NOL4: variants seen among roughly 807,000 people sequenced by gnomAD.
NOL4 encodes nucleolar protein 4.
A neutral mutation model predicts 75.9 loss-of-function variants in NOL4; 17 were observed. That is an observed-to-expected ratio of 0.22 (90% CI 0.15 to 0.34). The LOEUF (loss-of-function observed/expected upper bound fraction) is 0.34. NOL4 is among the 10% of genes least tolerant of loss of function. The pLI is 1.00. For synonymous variants in NOL4, 292 were observed against 289.9 expected (o/e 1.01, Z -0.07); for missense variants, 614 against 793.5 (o/e 0.77, Z 2.72).
At chr18:34,140,855 G>A (rs571843360) in intron 1 of NOL4, among the ~76,000 whole-genome samples, 3 of 152,106 alleles carry the variant, frequency 2.0e-5, no homozygotes, top group African/African-American at 7.2e-5. Context: ...TCCTTCAGGA[G>A]CTCTTGTAGG....
intron 6 of NOL4, among the ~76,000 whole-genome samples, chr18:33,969,561 C>A (rs1039004662): frequency 6.6e-6 from 1 of 151,938 alleles, no homozygotes; most frequent in East Asian, 1.9e-4. Context: ...CACAAGATAT[C>A]TTTTTATTAT....
chr18:34,079,499 C>T (rs571994274), intron 5 of NOL4, among the ~76,000 whole-genome samples: 207 of 152,038 alleles, frequency 1.4e-3, no homozygotes, highest in African/African-American at 4.7e-3. Flanking sequence ...CCTTCAGGTG[C>T]CATGTTGGAC....
Position 33,970,725 on chromosome 18 carries a change from T to TTGTGTGTG in NOL4, c.1057-12315_1057-12308dup, listed in dbSNP as rs34125584. On this transcript the variant is annotated intron_variant, in intron 6 of 10. Transcript: ENST00000261592. ...TGGAAAACTTACTTCTTCAAGCTAT[T>TTGTGTGTG]TGTGTGTGTGTGTGTGTGTGTGTGT... is the stretch of plus-strand genomic sequence containing the variant. 4.1e-3 allele frequency among the ~76,000 whole-genome samples: 602 copies of TTGTGTGTG among 147,014 alleles called. 7 individuals carry two copies. The highest frequency in any genetic ancestry group is 0.014 in the African/African-American group (559 of 40,288).
intron 6 of NOL4, among the ~76,000 whole-genome samples, chr18:33,987,252 GA>G (rs1013190435): frequency 2.0e-5 from 3 of 152,076 alleles, no homozygotes; most frequent in African/African-American, 4.8e-5. Flanking sequence ...GATAGGGGCT[GA>G]AATGACCGTG....
chr18:33,889,258 T>C (rs1199497295), intron 9 of NOL4, among the ~76,000 whole-genome samples: 2 of 152,028 alleles, frequency 1.3e-5, no homozygotes, highest in Non-Finnish European at 2.9e-5. Context: ...GCAAATAAAC[T>C]TGAAAATCTA....
intron 5 of NOL4, among the ~76,000 whole-genome samples, chr18:34,045,465 C>G (rs1207841003): frequency 6.6e-6 from 1 of 152,058 alleles, no homozygotes; most frequent in Non-Finnish European, 1.5e-5. Flanking sequence ...TCACAAATGC[C>G]CATTGACCCC....
intron 6 of NOL4, among the ~76,000 whole-genome samples, chr18:33,982,529 T>C (rs1317038372): frequency 6.6e-6 from 1 of 152,174 alleles, no homozygotes; most frequent in African/African-American, 2.4e-5. Context: ...GTATTGTGTA[T>C]GCTCCTAACA....
At chr18:33,861,690 T>C (rs2063142870) in intron 10 of NOL4, among the ~76,000 whole-genome samples, 1 of 152,064 alleles carries the variant, frequency 6.6e-6, no homozygotes, top group African/African-American at 2.4e-5. Context: ...GAGAATAAAA[T>C]ACCTAGAAAT....
Position 33,988,409 on chromosome 18 carries a change from T to G in NOL4, c.1057-29991A>C, listed in dbSNP as rs183938678. 2.5e-3 allele frequency among the ~76,000 whole-genome samples: 380 copies of G among 152,202 alleles called. 1 individual carries two copies. Among genetic ancestry groups the G allele is most frequent in the African/African-American group, 8.4e-3 (351 of 41,554 alleles). On this transcript the variant is annotated intron_variant, in intron 6 of 10. Transcript: ENST00000261592. ...CAAACATAAAAAGATACTTGAGACC[T>G]GATCATTTCTTTTGGGAAAGATTAC... is the stretch of plus-strand genomic sequence containing the variant.
rs1171445416 is a variant in NOL4 at position 33,887,067 on chromosome 18, A to AATAT, written c.1543-3647_1543-3644dup. 9.3e-5 allele frequency among the ~76,000 whole-genome samples: 13 copies of AATAT among 140,130 alleles called. No homozygotes were observed. The East Asian group carries it at 2.6e-3, about 28-fold the overall frequency. 91.9% of individuals were successfully genotyped at this position (140,130 alleles called of 152,430 possible). On this transcript the variant is annotated intron_variant, in intron 9 of 10. Coordinates refer to ENST00000261592, the MANE Select transcript of NOL4 (RefSeq NM_003787.5). ...CTAGATCTAATATATATCTATATAT[A>AATAT]ATATATATATCTATATATATTAGAT...
At chr18:34,051,284 G>T (rs2076614374) in intron 5 of NOL4, among the ~76,000 whole-genome samples, 1 of 151,830 alleles carries the variant, frequency 6.6e-6, no homozygotes. Flanking sequence ...ATAAAGCAAA[G>T]TGAATAGACA....
chr18:34,222,277 A>G (rs987381648), intron 1 of NOL4: 2 of 1,326,632 alleles, frequency 1.5e-6, no homozygotes, highest in African/African-American at 1.5e-5. Flanking sequence ...GCCTAAACCC[A>G]TCTTTCTTTG....
chr18:34,134,411 G>A (rs1447256079), intron 1 of NOL4, among the ~76,000 whole-genome samples: 3 of 147,376 alleles, frequency 2.0e-5, no homozygotes, highest in Admixed American at 6.8e-5. Context: ...ACAAAACAAC[G>A]ATCAACATAT....
At chr18:34,205,475 G>A (rs10445468) in intron 1 of NOL4, among the ~76,000 whole-genome samples, 73,221 of 151,848 alleles carry the variant, frequency 0.48, 18,536 homozygotes, top group South Asian at 0.58. Context: ...CACCCAAAGC[G>A]GTTTCTGAGC....
Position 34,148,157 on chromosome 18 carries a change from A to G in NOL4, c.265-18137T>C, listed in dbSNP as rs564046384. 6.6e-5 allele frequency among the ~76,000 whole-genome samples: 10 copies of G among 152,086 alleles called. No individual in the cohort carries two copies. The East Asian group carries it at 1.9e-3, about 29-fold the overall frequency. On this transcript the variant is annotated intron_variant, in intron 1 of 10. Transcript: ENST00000261592. ...GTCTATTTTGTTGATCTTTTCAAAG[A>G]AAACTAGCTCCTAGATTCATTTATT...
At chr18:34,160,178 T>C (rs1475724535) in intron 1 of NOL4, among the ~76,000 whole-genome samples, 1 of 152,188 alleles carries the variant, frequency 6.6e-6, no homozygotes, top group East Asian at 1.9e-4. Flanking sequence ...AGAAACTCTA[T>C]TGTTCAGCTG....
chr18:34,163,478 A>G (rs1451293717), intron 1 of NOL4, among the ~76,000 whole-genome samples: 1 of 151,976 alleles, frequency 6.6e-6, no homozygotes, highest in Non-Finnish European at 1.5e-5. Context: ...TCATGAGTGA[A>G]CTCCCATTCA....
chr18:34,016,690 C>T (rs1038537236), intron 6 of NOL4, among the ~76,000 whole-genome samples: 1 of 152,098 alleles, frequency 6.6e-6, no homozygotes, highest in Non-Finnish European at 1.5e-5. Context: ...TACAGTCCCT[C>T]AGCACCCTTC....
At chr18:34,208,477 C>T (rs1479595678) in intron 1 of NOL4, among the ~76,000 whole-genome samples, 3 of 151,514 alleles carry the variant, frequency 2.0e-5, no homozygotes, top group African/African-American at 7.3e-5. Context: ...ATCTTACTAA[C>T]AAGATTCATA....
Sources: gnomAD v4.1 joint callset for allele counts (sites outside exome capture counted in the v4.1 genomes callset) on GRCh38, gnomAD v4.1.1 for gene constraint, MANE v1.5 for transcripts, NCBI Gene and HGNC (gene_info 2026-07-23, HGNC 2026-07-21) for gene names.